CLDN16: variants seen among roughly 807,000 people sequenced by gnomAD.
CLDN16 encodes claudin 16, also known as claudin-16.
CLDN16 carries 13 observed loss-of-function variants against 24.6 expected under a neutral mutation model. The ratio of observed to expected loss-of-function variants is 0.53; its 90% CI spans 0.34 to 0.84. The LOEUF is 0.84. CLDN16 is among the 40% of genes least tolerant of loss of function. The probability of loss-of-function intolerance (pLI) is 0.01; values close to 1 mark genes in which losing one functional copy is unlikely to be tolerated. For synonymous variants in CLDN16, 116 were observed against 106.7 expected, an observed-to-expected ratio of 1.09 and a Z score of -0.54; for missense variants, 298 against 292.7, an observed-to-expected ratio of 1.02 and a Z score of -0.13.
intron 1 of CLDN16, among the ~76,000 whole-genome samples, chr3:190,393,198 C>T (rs1203352910): frequency 6.6e-6 from 1 of 152,138 alleles, no homozygotes; most frequent in East Asian, 1.9e-4. Flanking sequence ...GGTGATGTTA[C>T]TCACCAAGAG....
At chr3:190,322,885 C>T (rs1050303010) in intron 1 of CLDN16, among the ~76,000 whole-genome samples, 3 of 152,060 alleles carry the variant, frequency 2.0e-5, no homozygotes, top group African/African-American at 7.2e-5. Flanking sequence ...CTTCCTCCCC[C>T]TTCTTTCCTC....
upstream of CLDN16, among the ~76,000 whole-genome samples, chr3:190,320,426 TA>T (rs527727049): frequency 2.6e-4 from 39 of 152,242 alleles, no homozygotes; most frequent in African/African-American, 8.9e-4. Flanking sequence ...ATTCAATAAT[TA>T]TTACCAAATT....
chr3:190,351,955 G>A (rs1209550232), intron 1 of CLDN16, among the ~76,000 whole-genome samples: 1 of 152,040 alleles, frequency 6.6e-6, no homozygotes, highest in Non-Finnish European at 1.5e-5. Flanking sequence ...ATATCAGGGA[G>A]AGCTCTAGCA....
At chr3:190,338,656 G>T (rs1717363148) in intron 1 of CLDN16, among the ~76,000 whole-genome samples, 1 of 152,130 alleles carries the variant, frequency 6.6e-6, no homozygotes, top group Admixed American at 6.5e-5. Flanking sequence ...AGCTGACAGG[G>T]ATAATGTGTA....
intron 1 of CLDN16, among the ~76,000 whole-genome samples, chr3:190,367,756 G>A (rs146569568): frequency 1.0e-3 from 154 of 151,920 alleles, no homozygotes; most frequent in African/African-American, 3.6e-3. Context: ...TGCACTTTTG[G>A]CTCCATTTCT....
At chr3:190,324,468 C>T (rs926273500) in intron 1 of CLDN16, among the ~76,000 whole-genome samples, 5 of 152,012 alleles carry the variant, frequency 3.3e-5, no homozygotes, top group South Asian at 2.1e-4. Context: ...GGGCAACAGA[C>T]CAAGACCCCA....
At chr3:190,308,425 T>G in the CLDN16 span, 1 of 1,613,658 alleles carries the variant, frequency 6.2e-7, no homozygotes, top group Non-Finnish European at 8.5e-7. Flanking sequence ...GAAGAGAGCC[T>G]GACCAAATTC....
chr3:190,322,205 A>G (rs957708740), upstream of CLDN16: 5 of 1,613,362 alleles, frequency 3.1e-6, no homozygotes, highest in African/African-American at 1.3e-5. Context: ...CGCGTTGGCC[A>G]TGACTCGCTC....
rs181418587 is a variant in CLDN16, at chr3:190,331,813, T to C, written n.121+9152T>C. 2.6e-5 allele frequency among the ~76,000 whole-genome samples: 4 copies of C among 152,302 alleles called. No individual in the cohort carries two copies. The East Asian group carries it at 7.7e-4, about 29-fold the overall frequency. On this transcript the variant is annotated intron_variant and non_coding_transcript_variant, in intron 1 of 4. Transcript: ENST00000468220. ...TTTGCAGTTCTGTAGTTGAGAAAAC[T>C]GAAAGGGATCTCACTGGGCTATAAT... is the stretch of plus-strand genomic sequence containing the variant.
At chr3:190,393,756 T>A (rs1718740502) in intron 1 of CLDN16, among the ~76,000 whole-genome samples, 1 of 149,598 alleles carries the variant, frequency 6.7e-6, no homozygotes, top group African/African-American at 2.5e-5. Flanking sequence ...CCTTTTTTTT[T>A]TTTTTTTTTT....
At chr3:190,327,455 G>A (rs1351545421) in intron 1 of CLDN16, among the ~76,000 whole-genome samples, 1 of 152,076 alleles carries the variant, frequency 6.6e-6, no homozygotes, top group Non-Finnish European at 1.5e-5. Flanking sequence ...TAGATTCTAA[G>A]GGCTTTGTTG....
At chr3:190,310,577 T>A in the CLDN16 span, among the ~76,000 whole-genome samples, 1 of 152,240 alleles carries the variant, frequency 6.6e-6, no homozygotes, top group African/African-American at 2.4e-5. Flanking sequence ...ATTAGGATAC[T>A]AAACTACATT....
Position 190,402,455 on chromosome 3 carries a change from A to T in CLDN16, c.217+16A>T, listed in dbSNP as rs1718988123. 4.4e-6 allele frequency: 7 copies of T among 1,573,868 alleles called. No individual in the cohort carries two copies. Among genetic ancestry groups the T allele is most frequent in the Non-Finnish European group, 6.1e-6 (7 of 1,143,554 alleles). ...GAGCATCCCTGTACGTATGCCTTAGAGCTCACTGCTTGCCAGGAAGGGAAA... is the reference window on the plus strand; with the variant it reads ...GAGCATCCCTGTACGTATGCCTTAGTGCTCACTGCTTGCCAGGAAGGGAAA... On this transcript the variant is annotated intron_variant, in intron 2 of 4. Transcript: ENST00000264734.
intron 2 of CLDN16, among the ~76,000 whole-genome samples, chr3:190,403,260 A>G (rs1157189485): frequency 6.7e-6 from 1 of 150,304 alleles, no homozygotes; most frequent in East Asian, 2.0e-4. Context: ...TGAACCCAGA[A>G]GGCAGAGGTT....
At chr3:190,312,963 G>T in the CLDN16 span, 4 of 1,614,092 alleles carry the variant, frequency 2.5e-6, no homozygotes, top group Non-Finnish European at 2.5e-6. Flanking sequence ...TCATGCCAAC[G>T]GTGGCCACAA....
At chr3:190,405,023 T>C in intron 3 of CLDN16, 97 bp downstream of exon 3, 1 of 1,210,344 alleles carries the variant, frequency 8.3e-7, no homozygotes, top group South Asian at 1.2e-5. Context: ...ATTTTCGGAT[T>C]ATATGTGGCT....
chr3:190,334,993 T>C (rs1164790076), intron 1 of CLDN16, among the ~76,000 whole-genome samples: 1 of 151,376 alleles, frequency 6.6e-6, no homozygotes, highest in Non-Finnish European at 1.5e-5. Flanking sequence ...TTTTCTTTTC[T>C]TTTTATTCTT....
chr3:190,313,172 G>T, the CLDN16 span: 1 of 943,560 alleles, frequency 1.1e-6, no homozygotes, highest in Non-Finnish European at 1.6e-6. Flanking sequence ...CAGTCATACT[G>T]ATGTTTCCGC....
At chr3:190,408,169 T>A in intron 3 of CLDN16, 145 bp from the exon 4 acceptor site, 2 of 790,340 alleles carry the variant, frequency 2.5e-6, no homozygotes, top group Admixed American at 3.5e-5. Flanking sequence ...AGAAGAAGTG[T>A]CCGAAGTTCG....
Sources: gnomAD v4.1 joint callset for allele counts (sites outside exome capture counted in the v4.1 genomes callset) on GRCh38, gnomAD v4.1.1 for gene constraint, MANE v1.5 for transcripts, NCBI Gene and HGNC (gene_info 2026-07-23, HGNC 2026-07-21) for gene names.